The following SRC variants were observed in gnomAD, a reference collection of about 807,000 sequenced individuals.
SRC encodes proto-oncogene tyrosine-protein kinase Src.
A neutral mutation model predicts 62.9 loss-of-function variants in SRC; 13 were observed. The ratio of observed to expected loss-of-function variants is 0.21; its 90% CI spans 0.13 to 0.33. SRC has a LOEUF of 0.33. Among genes scored for constraint, SRC ranks in the 10% least tolerant of loss-of-function variants. SRC has a pLI of 1.00. For missense variants in SRC, 457 were observed against 737.3 expected (o/e 0.62, Z 4.40); for synonymous variants, 302 against 317.5 (o/e 0.95, Z 0.52).
intron 1 of SRC, among the ~76,000 whole-genome samples, chr20:37,360,297 C>T (rs1227154409): frequency 7.2e-6 from 1 of 138,338 alleles, no homozygotes; most frequent in Non-Finnish European, 1.5e-5. Flanking sequence ...AATTACAGCT[C>T]ACTGCAGCCT....
At chr20:37,391,769 G>T (rs978049504) in intron 5 of SRC, among the ~76,000 whole-genome samples, 1 of 152,150 alleles carries the variant, frequency 6.6e-6, no homozygotes. Flanking sequence ...CAGGAGAATC[G>T]CTTGAACCTG....
chr20:37,357,582 C>T (rs61450059), intron 1 of SRC, among the ~76,000 whole-genome samples: 23,140 of 152,220 alleles, frequency 0.15, 2,226 homozygotes, highest in African/African-American at 0.27. Context: ...AAGTGGCCCC[C>T]GTCCCCGTGA....
In SRC at chr20:37,396,108, C is replaced by CG; in HGVS notation, c.554-52dup. 6.3e-7 allele frequency: 1 copy of CG among 1,591,442 alleles called. No homozygotes were observed. The highest frequency in any genetic ancestry group is 8.5e-7 in the Non-Finnish European group (1 of 1,171,560). On this transcript the variant is annotated intron_variant, in intron 7 of 13. Coordinates refer to ENST00000373578, the MANE Select transcript of SRC (RefSeq NM_198291.3). This position sits in a 1 kb window ranked among gnomAD's most constrained non-coding sequence, Gnocchi z 6.1. ...AGGCACAGAACGGTGTCCAGAGCAG[C>CG]GGCCTGCGGGGGGAGAGGGCATGGC...
chr20:37,404,230 G>T lies in SRC; in HGVS notation c.*851G>T, dbSNP rs1036410851. On this transcript the variant is annotated 3_prime_UTR_variant, in exon 14 of 14. Coordinates refer to ENST00000373578, the MANE Select transcript of SRC (RefSeq NM_198291.3). The stretch of plus-strand genomic sequence containing the variant: ...GTCTGAGGATGCATTCGAGATGGCA[G>T]ATTCCCACTGCCGCTGCCCGCTCAG... 4.3e-6 allele frequency: 1 copy of T among 233,692 alleles called. No individual in the cohort carries two copies. Among genetic ancestry groups the T allele is most frequent in the Non-Finnish European group, 8.5e-6 (1 of 118,040 alleles). 14.5% of individuals were successfully genotyped at this position (233,692 alleles called of 1,614,324 possible). A position where few individuals can be genotyped will look rare whatever the true frequency, so the allele number is the denominator to read the frequency against.
chr20:37,403,319 C>T lies in SRC; in HGVS notation c.1551C>T (p.Ala517=), dbSNP rs1480135547. ...EERPTFEYLQ[A]FLEDYFTSTE... is the part of the protein sequence containing the mutation. Reference sequence around the variant, plus strand: ...GGCCCACCTTCGAGTACCTGCAGGCCTTCCTGGAGGACTACTTCACGTCCA... The same window carrying T: ...GGCCCACCTTCGAGTACCTGCAGGCTTTCCTGGAGGACTACTTCACGTCCA... The change falls in exon 14 of 14, where the codon GCC becomes GCT. Residue 517 remains alanine, a synonymous_variant. Coordinates refer to ENST00000373578, the MANE Select transcript of SRC (RefSeq NM_198291.3). The surrounding 1 kb of genome is among the most constrained non-coding windows in gnomAD (Gnocchi z 7.1). 5 of 1,606,924 alleles carry T rather than the reference C, an allele frequency of 3.1e-6. No individual in the cohort carries two copies. Among genetic ancestry groups the T allele is most frequent in the Non-Finnish European group, 4.2e-6 (5 of 1,177,342 alleles).
At chr20:37,361,863 G>T (rs1481705771) in intron 1 of SRC, among the ~76,000 whole-genome samples, 3 of 38,638 alleles carry the variant, frequency 7.8e-5, no homozygotes, top group Admixed American at 4.0e-4. Context: ...CTGTGTGCAG[G>T]TAGAGATGTA....
Position 37,384,550 on chromosome 20 carries a change from T to A in SRC, c.250+147T>A. The stretch of plus-strand genomic sequence containing the variant: ...CTGGGTGACTTGGGTGTCCGGGGGG[T>A]GGGGGGGCGGCCGTACACACTGTGA... On this transcript the variant is annotated intron_variant, in intron 4 of 13. Coordinates refer to ENST00000373578, the MANE Select transcript of SRC (RefSeq NM_198291.3). This position sits in a 1 kb window ranked among gnomAD's most constrained non-coding sequence, Gnocchi z 6.7. The A allele has an allele frequency of 6.1e-6, 1 of 162,730 alleles. No homozygotes were observed. The highest frequency in any genetic ancestry group is 8.9e-6 in the Non-Finnish European group (1 of 111,880). The allele number at this position is 162,730 out of a possible 1,614,324, so 10.1% of individuals were successfully genotyped here. A position where few individuals can be genotyped will look rare whatever the true frequency, so the allele number is the denominator to read the frequency against.
At chr20:37,372,730 G>A (rs191953016) in intron 2 of SRC, among the ~76,000 whole-genome samples, 95 of 152,050 alleles carry the variant, frequency 6.2e-4, no homozygotes, top group African/African-American at 2.2e-3. Context: ...ATGTTTGCGA[G>A]CCATTTGTTT....
At position 37,396,420 on chromosome 20, in the gene SRC, C is replaced by A; in HGVS notation, c.703+109C>A. ...TGGGGACTTCTGTTATCCTGCTTCT[C>A]TCCCCACTTCCCCCTCCCCCCTCCC... On this transcript the variant is annotated intron_variant, in intron 8 of 13. Coordinates refer to ENST00000373578, the MANE Select transcript of SRC (RefSeq NM_198291.3). The surrounding 1 kb of genome is among the most constrained non-coding windows in gnomAD (Gnocchi z 6.1). 7.7e-7 allele frequency: 1 copy of A among 1,298,222 alleles called. No individual in the cohort carries two copies. Among genetic ancestry groups the A allele is most frequent in the Non-Finnish European group, 1.1e-6 (1 of 945,022 alleles). 80.4% of individuals were successfully genotyped at this position (1,298,222 alleles called of 1,614,324 possible).
intron 1 of SRC, among the ~76,000 whole-genome samples, chr20:37,358,624 A>G (rs1295495784): frequency 6.6e-6 from 1 of 152,232 alleles, no homozygotes; most frequent in African/African-American, 2.4e-5. Context: ...GAAGGGATCC[A>G]GTCCCCTACA....
At position 37,396,113 on chromosome 20, in the gene SRC, TGCGGG is replaced by T. The variant is rs1483775089; in HGVS notation, c.554-47_554-43del. ...CAGAACGGTGTCCAGAGCAGCGGCC[TGCGGG>T]GGGAGAGGGCATGGCGGTCACGGCT... On this transcript the variant is annotated intron_variant, in intron 7 of 13. Transcript: ENST00000373578. This position sits in a 1 kb window ranked among gnomAD's most constrained non-coding sequence, Gnocchi z 6.1. The T allele has an allele frequency of 6.3e-6, 10 of 1,596,944 alleles. No homozygotes were observed. Among genetic ancestry groups the T allele is most frequent in the Non-Finnish European group, 8.5e-6 (10 of 1,173,938 alleles).
At chr20:37,395,544 C>T (rs747852630) in intron 7 of SRC, among the ~76,000 whole-genome samples, 3 of 152,202 alleles carry the variant, frequency 2.0e-5, no homozygotes, top group Non-Finnish European at 4.4e-5. Context: ...GGGCTGGCCC[C>T]GTTTGACCCA....
chr20:37,349,483 C>A (rs1269946720), intron 1 of SRC, among the ~76,000 whole-genome samples: 1 of 152,170 alleles, frequency 6.6e-6, no homozygotes, highest in Non-Finnish European at 1.5e-5. Context: ...TTTACTGTAT[C>A]TTTTGAGAGA....
chr20:37,368,524 T>C (rs1568625172), intron 2 of SRC, among the ~76,000 whole-genome samples: 1 of 127,722 alleles, frequency 7.8e-6, no homozygotes, highest in Non-Finnish European at 1.6e-5. Flanking sequence ...TTTTCTTTTT[T>C]TTTTTTTTTT....
chr20:37,402,699 G>A lies in SRC; in HGVS notation c.1271-50G>A. On this transcript the variant is annotated intron_variant, in intron 12 of 13. Transcript: ENST00000373578. The surrounding 1 kb of genome is among the most constrained non-coding windows in gnomAD (Gnocchi z 6.2). Reference sequence around the variant, plus strand: ...TTCCTCATGGTGCTTATCTAGCAGAGCGGTCATGACAGGAGGTCAGAGCTG... The same window carrying A: ...TTCCTCATGGTGCTTATCTAGCAGAACGGTCATGACAGGAGGTCAGAGCTG... 4 of 1,580,820 alleles carry A rather than the reference G, an allele frequency of 2.5e-6. No individual in the cohort carries two copies. Among genetic ancestry groups the A allele is most frequent in the Non-Finnish European group, 2.6e-6 (3 of 1,161,530 alleles).
chr20:37,361,886 T>C (rs1248540578), intron 1 of SRC, among the ~76,000 whole-genome samples: 3 of 121,910 alleles, frequency 2.5e-5, no homozygotes, highest in South Asian at 2.6e-4. Context: ...GATGCCGGGG[T>C]CTCTGTGTGC....
intron 1 of SRC, among the ~76,000 whole-genome samples, chr20:37,358,101 G>C (rs890487269): frequency 6.6e-6 from 1 of 152,218 alleles, no homozygotes; most frequent in Non-Finnish European, 1.5e-5. Flanking sequence ...TCCCTGCTCT[G>C]TATTAGCCAG....
chr20:37,379,094 G>A (rs1330967713), intron 2 of SRC, among the ~76,000 whole-genome samples: 4 of 152,120 alleles, frequency 2.6e-5, no homozygotes, highest in Non-Finnish European at 4.4e-5. Context: ...TGGGAACGCC[G>A]AGGGAAAAGT....
At chr20:37,392,443 G>A (rs1369638585) in intron 5 of SRC, among the ~76,000 whole-genome samples, 1 of 152,236 alleles carries the variant, frequency 6.6e-6, no homozygotes, top group Non-Finnish European at 1.5e-5. Context: ...TTCATGTTCA[G>A]ATTGTGTGAC....
Sources: allele counts gnomAD v4.1 joint callset (sites outside exome capture counted in the v4.1 genomes callset), GRCh38; gene constraint gnomAD v4.1.1; non-coding constraint Gnocchi (gnomAD v3.1); transcripts MANE v1.5; gene names NCBI Gene and HGNC (gene_info 2026-07-23, HGNC 2026-07-21).